The following PRKN variants were observed in gnomAD, a reference collection of about 807,000 sequenced individuals.
The protein encoded by PRKN is parkin RBR E3 ubiquitin protein ligase, also known as E3 ubiquitin-protein ligase parkin.
Under a neutral mutation model 59.5 loss-of-function variants are expected in PRKN, and 56 were observed. That is an observed-to-expected ratio of 0.94 (90% confidence interval 0.76 to 1.18). The LOEUF is 1.18. PRKN is among the 50% of genes most tolerant of loss of function. The probability of loss-of-function intolerance (pLI) is 0.00; values close to 1 mark genes in which losing one functional copy is unlikely to be tolerated. For synonymous variants in PRKN, 250 were observed against 222.1 expected, an observed-to-expected ratio of 1.13 and a Z score of -1.12; for missense variants, 657 against 596.4, an observed-to-expected ratio of 1.10 and a Z score of -1.06.
chr6:162,200,623 G>C lies in PRKN; in HGVS notation c.534+508C>G, dbSNP rs185442729. Reference sequence around the variant, plus strand: ...TGGCCACAGCAGACTTCAGTTGACTGACCCTTGCTTTATATGCATACTGTT... The same window carrying C: ...TGGCCACAGCAGACTTCAGTTGACTCACCCTTGCTTTATATGCATACTGTT... On this transcript the variant is annotated intron_variant, in intron 4 of 11. Coordinates refer to ENST00000366898, the MANE Select transcript of PRKN (RefSeq NM_004562.3). 5.5e-3 allele frequency among the ~76,000 whole-genome samples: 840 copies of C among 152,262 alleles called. 4 individuals are homozygous for C. Among genetic ancestry groups the C allele is most frequent in the Admixed American group, 8.4e-3 (129 of 15,302 alleles).
In PRKN at chr6:161,575,166, A is replaced by ATTTT. The variant is rs1262175899; in HGVS notation, c.872-5751_872-5750insAAAA. Among the ~76,000 whole-genome samples, 2 of 152,218 alleles carry ATTTT rather than the reference A, an allele frequency of 1.3e-5. No homozygotes were observed. The highest frequency in any genetic ancestry group is 1.3e-4 in the Admixed American group (2 of 15,284). On this transcript the variant is annotated intron_variant, in intron 7 of 11. Transcript: ENST00000366898. This position sits in a 1 kb window ranked among gnomAD's most constrained non-coding sequence, Gnocchi z 4.6. ...CAGCTTTTTGGTGTTAAAAATGAAT[A>ATTTT]AGACAATTTGTTAAAAAGCATATAA...
At chr6:161,801,370 G>A (rs893547169) in intron 6 of PRKN, among the ~76,000 whole-genome samples, 5 of 152,186 alleles carry the variant, frequency 3.3e-5, no homozygotes, top group Non-Finnish European at 7.3e-5. Flanking sequence ...TTTAGTTCAC[G>A]GTTCTTTCGG....
chr6:162,329,920 A>G (rs1022763815), intron 2 of PRKN, among the ~76,000 whole-genome samples: 1 of 152,190 alleles, frequency 6.6e-6, no homozygotes, highest in African/African-American at 2.4e-5. Flanking sequence ...TTGTCGGCCT[A>G]TCAGAAACGG....
intron 1 of PRKN, among the ~76,000 whole-genome samples, chr6:162,591,742 C>A (rs1781315260): frequency 6.6e-6 from 1 of 151,818 alleles, no homozygotes; most frequent in African/African-American, 2.4e-5. Flanking sequence ...AATGTTTCTA[C>A]AATGAAGGAT....
chr6:161,758,217 T>A lies in PRKN; in HGVS notation c.871+27555A>T, dbSNP rs189269212. Among the ~76,000 whole-genome samples, 206 of 152,064 alleles carry A rather than the reference T, an allele frequency of 1.4e-3. 1 individual carries two copies. The highest frequency in any genetic ancestry group is 4.8e-3 in the African/African-American group (199 of 41,492). On this transcript the variant is annotated intron_variant, in intron 7 of 11. Coordinates refer to ENST00000366898, the MANE Select transcript of PRKN (RefSeq NM_004562.3). ...CTAAAATATGATTTAGTCACCCCAC[T>A]TCTAGGTATTTACACAAGATAAAAA... is the stretch of plus-strand genomic sequence containing the variant.
At chr6:162,578,590 G>C (rs1470445225) in intron 1 of PRKN, among the ~76,000 whole-genome samples, 9 of 152,176 alleles carry the variant, frequency 5.9e-5, no homozygotes, top group Admixed American at 2.6e-4. Context: ...GCATGGAAAA[G>C]AGGGAAGTCA....
chr6:162,439,854 T>C (rs946231166), intron 2 of PRKN, among the ~76,000 whole-genome samples: 2 of 152,172 alleles, frequency 1.3e-5, no homozygotes, highest in African/African-American at 4.8e-5. Flanking sequence ...ATGAAAAATA[T>C]GTATTAATCA....
chr6:162,621,535 C>T (rs1358985284), intron 1 of PRKN, among the ~76,000 whole-genome samples: 4 of 152,208 alleles, frequency 2.6e-5, no homozygotes, highest in African/African-American at 9.6e-5. Flanking sequence ...TCAGAAGAAT[C>T]AACCAGCCGA....
intron 1 of PRKN, among the ~76,000 whole-genome samples, chr6:162,628,216 A>G (rs887785374): frequency 1.3e-5 from 2 of 152,178 alleles, no homozygotes; most frequent in African/African-American, 4.8e-5. Context: ...GGAAACAAGG[A>G]CAGTTGGTTG....
intron 4 of PRKN, among the ~76,000 whole-genome samples, chr6:162,110,775 G>C (rs930434046): frequency 6.6e-6 from 1 of 152,090 alleles, no homozygotes; most frequent in Admixed American, 6.6e-5. Context: ...GATCACAAAC[G>C]CCACCAGATG....
At chr6:161,449,147 G>C (rs1228397825) in intron 9 of PRKN, among the ~76,000 whole-genome samples, 1 of 152,140 alleles carries the variant, frequency 6.6e-6, no homozygotes, top group African/African-American at 2.4e-5. Context: ...CAATTTCTTG[G>C]TTTATGCTTG....
chr6:161,961,642 G>A (rs1307187867), intron 6 of PRKN, among the ~76,000 whole-genome samples: 1 of 152,108 alleles, frequency 6.6e-6, no homozygotes, highest in Non-Finnish European at 1.5e-5. Context: ...GCTAGAGAGT[G>A]TCCCCGTCGA....
intron 7 of PRKN, among the ~76,000 whole-genome samples, chr6:161,772,372 GC>G (rs1218631183): frequency 6.6e-6 from 1 of 152,162 alleles, no homozygotes; most frequent in Non-Finnish European, 1.5e-5. Context: ...AGACTGTGTT[GC>G]TCAATGTGTC....
intron 1 of PRKN, among the ~76,000 whole-genome samples, chr6:162,616,679 C>T (rs1018972810): frequency 6.6e-6 from 1 of 152,114 alleles, no homozygotes; most frequent in Non-Finnish European, 1.5e-5. Context: ...TTTATTTGTA[C>T]AGCACAAAAT....
intron 7 of PRKN, among the ~76,000 whole-genome samples, chr6:161,756,169 C>T (rs968613421): frequency 3.9e-5 from 6 of 152,084 alleles, no homozygotes; most frequent in African/African-American, 4.8e-5. Flanking sequence ...CGGCCAGACG[C>T]GGTGGCTCAT....
At position 161,400,385 on chromosome 6, in the gene PRKN, G is replaced by A. The variant is rs1458212026; in HGVS notation, c.1084-13508C>T. ...TGCAATGGCACGATCTCCGCTCACT[G>A]CAACCTGTACCTCCCAGGTTCAAGC... is the stretch of plus-strand genomic sequence containing the variant. On this transcript the variant is annotated intron_variant, in intron 9 of 11. Transcript: ENST00000366898. The surrounding 1 kb of genome is among the most constrained non-coding windows in gnomAD (Gnocchi z 4.2). Among the ~76,000 whole-genome samples the A allele has an allele frequency of 1.3e-5, 2 of 151,042 alleles. No individual in the cohort carries two copies. Among genetic ancestry groups the A allele is most frequent in the Non-Finnish European group, 2.9e-5 (2 of 67,908 alleles).
intron 6 of PRKN, among the ~76,000 whole-genome samples, chr6:161,887,973 C>A (rs953823768): frequency 1.3e-5 from 2 of 152,062 alleles, no homozygotes; most frequent in African/African-American, 4.8e-5. Flanking sequence ...AAATGTATAT[C>A]CTCACCCTTT....
chr6:161,678,215 A>AATTTTTTTT (rs1785159392), intron 7 of PRKN, among the ~76,000 whole-genome samples: 1 of 86,340 alleles, frequency 1.2e-5, no homozygotes, highest in South Asian at 3.8e-4. Flanking sequence ...ATACTGAATC[A>AATTTTTTTT]CTTTTTTTTT....
intron 1 of PRKN, among the ~76,000 whole-genome samples, chr6:162,488,031 T>TTG (rs1792629418): frequency 7.7e-6 from 1 of 130,110 alleles, no homozygotes; most frequent in African/African-American, 2.7e-5. Context: ...ATTTCCCTTT[T>TTG]TTTTTTTTTT....
Sources: allele counts gnomAD v4.1 joint callset (sites outside exome capture counted in the v4.1 genomes callset), GRCh38; gene constraint gnomAD v4.1.1; non-coding constraint Gnocchi (gnomAD v3.1); transcripts MANE v1.5; gene names NCBI Gene and HGNC (gene_info 2026-07-23, HGNC 2026-07-21).